The following RAI1 variants were observed in gnomAD, a reference collection of about 807,000 sequenced individuals.
RAI1 encodes retinoic acid induced 1.
A neutral mutation model predicts 123.8 loss-of-function variants in RAI1; 9 were observed. The observed-to-expected ratio is 0.07, with a 90% CI of 0.04 to 0.13. RAI1 has a LOEUF of 0.13. Among genes scored for constraint, RAI1 ranks in the 10% least tolerant of loss-of-function variants. The pLI, the probability that RAI1 is intolerant of heterozygous loss-of-function variation, is 1.00. For synonymous variants in RAI1, 1,231 were observed against 1,127.3 expected (o/e 1.09, Z -1.84); for missense variants, 2,256 against 2,545.8 (o/e 0.89, Z 2.45).
At chr17:17,748,431 G>A (rs2030013683) in intron 2 of RAI1, among the ~76,000 whole-genome samples, 1 of 152,186 alleles carries the variant, frequency 6.6e-6, no homozygotes, top group Admixed American at 6.5e-5. Context: ...TTTTGTAGGG[G>A]TTTTCTTGTT....
intron 1 of RAI1, among the ~76,000 whole-genome samples, chr17:17,715,321 C>A (rs1331627294): frequency 1.3e-5 from 2 of 152,240 alleles, no homozygotes; most frequent in East Asian, 3.9e-4. Flanking sequence ...TGAGACCGGG[C>A]AGTGGTTTGG....
rs537739688 is a variant in RAI1, at chr17:17,757,617, T to C, written c.-17+33458T>C. The stretch of plus-strand genomic sequence containing the variant: ...CGCCTCTTCTCGGAGGATTTTTTTT[T>C]CCCACAACTCAACAACCACTACCAC... On this transcript the variant is annotated intron_variant, in intron 2 of 5. Coordinates refer to ENST00000353383, the MANE Select transcript of RAI1 (RefSeq NM_030665.4). Among the ~76,000 whole-genome samples the C allele has an allele frequency of 3.2e-3, 482 of 151,860 alleles. 3 individuals carry two copies. The highest frequency in any genetic ancestry group is 5.8e-3 in the Non-Finnish European group (391 of 67,946).
At chr17:17,686,568 C>CGTGTGTGTGTGTGTGTGTGT (rs58906330) in intron 1 of RAI1, among the ~76,000 whole-genome samples, 6 of 124,500 alleles carry the variant, frequency 4.8e-5, no homozygotes, top group Non-Finnish European at 6.8e-5. Context: ...TTCTTGAACC[C>CGTGTGTGTGTGTGTGTGTGT]GTGTGTGTGT....
In RAI1 at chr17:17,803,742, T is replaced by C; in HGVS notation, c.5566-14T>C. 6.2e-7 allele frequency: 1 copy of C among 1,611,464 alleles called. No homozygotes were observed. Among genetic ancestry groups the C allele is most frequent in the South Asian group, 1.1e-5 (1 of 91,058 alleles). ...CAACTGGAGACTCACCTGCCTTTCCTTTCTCTTCATCAGATGTGTTCCAGC... is the reference window on the plus strand; with the variant it reads ...CAACTGGAGACTCACCTGCCTTTCCCTTCTCTTCATCAGATGTGTTCCAGC... On this transcript the variant is annotated splice_polypyrimidine_tract_variant and intron_variant, in intron 3 of 5. Coordinates refer to ENST00000353383, the MANE Select transcript of RAI1 (RefSeq NM_030665.4).
In RAI1 at chr17:17,794,025, A is replaced by G; in HGVS notation, c.1077A>G (p.Thr359=). Residue 359 remains threonine (T), a synonymous_variant, in exon 3 of 6, where the codon ACA becomes ACG. Transcript: ENST00000353383. Reference sequence around the variant, plus strand: ...GCCGCTCACCTTCCTACAGTTCCACACCGTCGCCGCTGATGCCAAACCTGG... The same window carrying G: ...GCCGCTCACCTTCCTACAGTTCCACGCCGTCGCCGCTGATGCCAAACCTGG... The part of the protein sequence containing the change: ...SVGRSPSYSS[T]PSPLMPNLEN... The G allele has an allele frequency of 6.2e-7, 1 of 1,613,904 alleles. No individual in the cohort carries two copies. Among genetic ancestry groups the G allele is most frequent in the Admixed American group, 1.7e-5 (1 of 60,024 alleles).
chr17:17,694,933 C>G (rs113744711), intron 1 of RAI1, among the ~76,000 whole-genome samples: 1,879 of 152,108 alleles, frequency 0.012, 45 homozygotes, highest in African/African-American at 0.043. Flanking sequence ...TGCGGGTTAC[C>G]GGGCCAGGCG....
chr17:17,749,052 G>A (rs558232508), intron 2 of RAI1, among the ~76,000 whole-genome samples: 1 of 152,302 alleles, frequency 6.6e-6, no homozygotes, highest in Admixed American at 6.5e-5. Flanking sequence ...CAGCCCCTGG[G>A]GGCCTCCTGG....
In RAI1 at chr17:17,714,708, C is replaced by G. The variant is rs746496259; in HGVS notation, c.-148-9320C>G. ...TGGGTCGAATAAGGAAGCTGAGCAG[C>G]AGGCAGCCTCTCCCCTGCAGAAGGG... is the stretch of plus-strand genomic sequence containing the variant. On this transcript the variant is annotated intron_variant, in intron 1 of 5. Transcript: ENST00000353383. The surrounding 1 kb of genome is among the most constrained non-coding windows in gnomAD (Gnocchi z 4.9). Among the ~76,000 whole-genome samples the G allele has an allele frequency of 7.9e-5, 12 of 152,154 alleles. No homozygotes were observed. The highest frequency in any genetic ancestry group is 1.6e-4 in the Non-Finnish European group (11 of 68,026).
At chr17:17,748,515 T>C (rs931098010) in intron 2 of RAI1, among the ~76,000 whole-genome samples, 1 of 152,220 alleles carries the variant, frequency 6.6e-6, no homozygotes, top group Non-Finnish European at 1.5e-5. Flanking sequence ...GTTTAATTTG[T>C]ACCAACAACC....
chr17:17,760,727 TC>T (rs1482859892), intron 2 of RAI1, among the ~76,000 whole-genome samples: 2 of 152,244 alleles, frequency 1.3e-5, no homozygotes, highest in Non-Finnish European at 2.9e-5. Context: ...TAAAATGTGT[TC>T]CAGGTGCTGG....
At chr17:17,756,762 C>T (rs915354736) in intron 2 of RAI1, among the ~76,000 whole-genome samples, 1 of 152,180 alleles carries the variant, frequency 6.6e-6, no homozygotes, top group African/African-American at 2.4e-5. Context: ...GTCGGGGGCA[C>T]TGGAGAAAGC....
rs776242626 is a variant in RAI1 at position 17,796,159 on chromosome 17, C to T, written c.3211C>T (p.Pro1071Ser). Reference protein sequence around the residue: ...TALSEPRTPGPPGLTTTPAPP... With the variant: ...TALSEPRTPGSPGLTTTPAPP... The stretch of plus-strand genomic sequence containing the variant: ...CCTGAGTGAGCCCCGCACGCCCGGA[C>T]CCCCAGGCCTGACCACCACCCCTGC... The change falls in exon 3 of 6, where the codon CCC becomes TCC. Residue 1071 changes from proline (P) to serine (S), a missense_variant. Physicochemically the swap from Pro to Ser is moderately conservative, Grantham distance 74. This residue lies in a region of RAI1 where 566 missense variants were observed against 616.0 expected (regional missense o/e 0.92). Transcript: ENST00000353383. This position sits in a 1 kb window ranked among gnomAD's most constrained non-coding sequence, Gnocchi z 5.8. 4.1e-5 allele frequency: 64 copies of T among 1,560,464 alleles called. No individual in the cohort carries two copies. The highest frequency in any genetic ancestry group is 5.0e-5 in the Non-Finnish European group (58 of 1,151,924).
chr17:17,787,372 AC>A (rs1289498875), intron 2 of RAI1, among the ~76,000 whole-genome samples: 2 of 151,920 alleles, frequency 1.3e-5, no homozygotes, highest in Non-Finnish European at 2.9e-5. Flanking sequence ...AGCAATCAGC[AC>A]CCCCCACCCT....
chr17:17,687,612 C>T (rs1247035525), intron 1 of RAI1, among the ~76,000 whole-genome samples: 1 of 152,124 alleles, frequency 6.6e-6, no homozygotes, highest in Non-Finnish European at 1.5e-5. Context: ...GGGGAAGGAG[C>T]ACTGGATTCG....
chr17:17,757,890 C>T (rs2030510946), intron 2 of RAI1, among the ~76,000 whole-genome samples: 1 of 152,226 alleles, frequency 6.6e-6, no homozygotes, highest in African/African-American at 2.4e-5. Flanking sequence ...GAAGTCCCCA[C>T]GGGTCCTGGC....
At chr17:17,774,009 C>T (rs2031254018) in intron 2 of RAI1, among the ~76,000 whole-genome samples, 1 of 152,142 alleles carries the variant, frequency 6.6e-6, no homozygotes, top group Non-Finnish European at 1.5e-5. Flanking sequence ...TACTTACCTA[C>T]TATAGTGCTT....
Position 17,796,331 on chromosome 17 carries a change from C to A in RAI1, c.3383C>A (p.Thr1128Asn). The change falls in exon 3 of 6, where the codon ACC becomes AAC. Residue 1128 changes from threonine to asparagine, a missense_variant. This residue lies in a region of RAI1 where 322 missense variants were observed against 358.0 expected (regional missense o/e 0.90). Transcript: ENST00000353383. The surrounding 1 kb of genome is among the most constrained non-coding windows in gnomAD (Gnocchi z 5.8). ...ASDSSPMGSK[T>N]KETDSPSTPG... Reference sequence around the variant, plus strand: ...GACAGCAGCCCGATGGGCTCCAAGACCAAGGAGACAGACTCACCCAGCACG... The same window carrying A: ...GACAGCAGCCCGATGGGCTCCAAGAACAAGGAGACAGACTCACCCAGCACG... 1 of 1,613,238 alleles carries A rather than the reference C, an allele frequency of 6.2e-7. No individual in the cohort carries two copies. Among genetic ancestry groups the A allele is most frequent in the Non-Finnish European group, 8.5e-7 (1 of 1,179,940 alleles).
At chr17:17,726,808 G>T (rs1372071494) in intron 2 of RAI1, among the ~76,000 whole-genome samples, 5 of 152,138 alleles carry the variant, frequency 3.3e-5, no homozygotes, top group Non-Finnish European at 5.9e-5. Context: ...GTTCTTCCCA[G>T]TCCTTTTCGA....
At position 17,793,334 on chromosome 17, in the gene RAI1, C is replaced by A. The variant is rs748915017; in HGVS notation, c.386C>A (p.Pro129Gln). 9 of 1,612,684 alleles carry A rather than the reference C, an allele frequency of 5.6e-6. No homozygotes were observed. Among genetic ancestry groups the A allele is most frequent in the South Asian group, 1.1e-5 (1 of 91,078 alleles). Reference protein sequence around the residue: ...QAWGAPQPPPPQPQPLPAGVA... With the variant: ...QAWGAPQPPPQQPQPLPAGVA... Reference sequence around the variant, plus strand: ...TGGGGGGCCCCACAGCCACCACCCCCACAGCCGCAGCCACTACCTGCAGGG... The same window carrying A: ...TGGGGGGCCCCACAGCCACCACCCCAACAGCCGCAGCCACTACCTGCAGGG... The change falls in exon 3 of 6, where the codon CCA (proline) becomes CAA (glutamine). Residue 129 changes from proline to glutamine, a missense_variant. Around this residue, in one of 7 missense-constraint regions of RAI1, gnomAD observed 336 missense variants for 349.8 expected, o/e 0.96. Transcript: ENST00000353383.
Sources: gnomAD v4.1 joint callset for allele counts (sites outside exome capture counted in the v4.1 genomes callset) on GRCh38, gnomAD v4.1.1 for gene constraint, gnomAD v4.1.1 regional missense constraint, Gnocchi (gnomAD v3.1) non-coding constraint, MANE v1.5 for transcripts, NCBI Gene and HGNC (gene_info 2026-07-23, HGNC 2026-07-21) for gene names.